MACROD2: variants seen among roughly 807,000 people sequenced by gnomAD.
MACROD2 encodes the protein mono-ADP ribosylhydrolase 2, also known as ADP-ribose glycohydrolase MACROD2.
A neutral mutation model predicts 70.4 loss-of-function variants in MACROD2; 36 were observed. That is an observed-to-expected ratio of 0.51 (90% CI 0.39 to 0.68). The LOEUF is 0.68. MACROD2 is among the 30% of genes least tolerant of loss of function. The pLI is 0.00. For missense variants in MACROD2, 496 were observed against 538.4 expected (o/e 0.92, Z 0.78); for synonymous variants, 172 against 178.8 (o/e 0.96, Z 0.30).
chr20:14,662,432 A>G (rs948149124), intron 4 of MACROD2, among the ~76,000 whole-genome samples: 2 of 151,934 alleles, frequency 1.3e-5, no homozygotes, highest in Non-Finnish European at 2.9e-5. Context: ...AAACAGGAAA[A>G]TATTTTATGA....
intron 3 of MACROD2, among the ~76,000 whole-genome samples, chr20:14,437,560 C>T (rs910852840): frequency 6.6e-6 from 1 of 152,110 alleles, no homozygotes; most frequent in Non-Finnish European, 1.5e-5. Flanking sequence ...TGCCATTGTA[C>T]TCCAGCCTGG....
intron 3 of MACROD2, among the ~76,000 whole-genome samples, chr20:14,367,650 CTTGT>C (rs2083284348): frequency 6.6e-6 from 1 of 152,146 alleles, no homozygotes; most frequent in Non-Finnish European, 1.5e-5. Context: ...TTGAGGATCC[CTTGT>C]ATGTTGGATG....
chr20:15,978,052 G>C (rs908334963), intron 13 of MACROD2, among the ~76,000 whole-genome samples: 6 of 152,266 alleles, frequency 3.9e-5, no homozygotes, highest in African/African-American at 1.4e-4. Flanking sequence ...CATCTTCTAG[G>C]CCAGTGCTTC....
At chr20:15,826,755 A>G (rs556949645) in intron 8 of MACROD2, among the ~76,000 whole-genome samples, 1 of 152,362 alleles carries the variant, frequency 6.6e-6, no homozygotes, top group Non-Finnish European at 1.5e-5. Flanking sequence ...TAGGAAAAAT[A>G]TAAGTAACAA....
intron 8 of MACROD2, among the ~76,000 whole-genome samples, chr20:15,861,955 A>G (rs2064430379): frequency 6.6e-6 from 1 of 152,218 alleles, no homozygotes; most frequent in Non-Finnish European, 1.5e-5. Flanking sequence ...ATTTATTTCC[A>G]GGACACAAAA....
At chr20:15,888,980 C>G (rs1429022042) in intron 10 of MACROD2, among the ~76,000 whole-genome samples, 1 of 152,144 alleles carries the variant, frequency 6.6e-6, no homozygotes, top group Non-Finnish European at 1.5e-5. Flanking sequence ...AATAGAAAAG[C>G]TGGAGGGATT....
chr20:15,865,466 A>C (rs1265717293), intron 9 of MACROD2, among the ~76,000 whole-genome samples: 1 of 152,192 alleles, frequency 6.6e-6, no homozygotes, highest in African/African-American at 2.4e-5. Context: ...ATTTCTTTAC[A>C]TGGGTAAATC....
intron 4 of MACROD2, among the ~76,000 whole-genome samples, chr20:14,670,883 G>C (rs1262223995): frequency 1.3e-5 from 2 of 151,924 alleles, no homozygotes; most frequent in African/African-American, 4.8e-5. Flanking sequence ...ACCCCCATGT[G>C]GTTAGTCTTA....
intron 4 of MACROD2, among the ~76,000 whole-genome samples, chr20:14,515,465 GCA>G (rs11467236): frequency 0.12 from 15,340 of 127,088 alleles, 1,060 homozygotes; most frequent in Non-Finnish European, 0.16. Flanking sequence ...ACACACACAC[GCA>G]CACACACACA....
At chr20:14,700,452 T>C (rs144005498) in intron 5 of MACROD2, among the ~76,000 whole-genome samples, 90 of 152,182 alleles carry the variant, frequency 5.9e-4, no homozygotes, top group African/African-American at 1.9e-3. Context: ...TGAATATCAA[T>C]CACTCAACTA....
intron 3 of MACROD2, among the ~76,000 whole-genome samples, chr20:14,125,565 T>C (rs1409222722): frequency 6.6e-6 from 1 of 152,192 alleles, no homozygotes; most frequent in Non-Finnish European, 1.5e-5. Context: ...AATATTTTTG[T>C]ATGTGTATTT....
intron 2 of MACROD2, among the ~76,000 whole-genome samples, chr20:14,065,835 T>C (rs2053748688): frequency 1.3e-5 from 2 of 152,200 alleles, no homozygotes; most frequent in Admixed American, 6.5e-5. Context: ...GGTACATGCA[T>C]AGCTATAACA....
chr20:15,816,319 T>C (rs924878668), intron 8 of MACROD2, among the ~76,000 whole-genome samples: 7 of 152,144 alleles, frequency 4.6e-5, no homozygotes, highest in Non-Finnish European at 1.0e-4. Context: ...ATGACTTTTG[T>C]ATGCTAGGTC....
At chr20:16,048,117 T>C (rs1342412516) in intron 17 of MACROD2, among the ~76,000 whole-genome samples, 7 of 152,078 alleles carry the variant, frequency 4.6e-5, no homozygotes, top group African/African-American at 1.2e-4. Context: ...ATGTGGCAAA[T>C]GGAAATATGA....
chr20:14,706,486 C>G (rs1423665000), intron 5 of MACROD2, among the ~76,000 whole-genome samples: 1 of 152,006 alleles, frequency 6.6e-6, no homozygotes, highest in African/African-American at 2.4e-5. Context: ...GACTTCAGTA[C>G]CTGAGGGTAT....
chr20:14,244,802 T>C (rs1343592232), intron 3 of MACROD2, among the ~76,000 whole-genome samples: 1 of 152,202 alleles, frequency 6.6e-6, no homozygotes, highest in Non-Finnish European at 1.5e-5. Flanking sequence ...CTTGGCTCTT[T>C]GTGGGTCCTC....
At chr20:15,094,171 T>C (rs2075812203) in intron 5 of MACROD2, among the ~76,000 whole-genome samples, 1 of 152,220 alleles carries the variant, frequency 6.6e-6, no homozygotes, top group Non-Finnish European at 1.5e-5. Flanking sequence ...TAGATATATG[T>C]TGGCTTTGAT....
chr20:14,702,927 C>T (rs751316000), intron 5 of MACROD2, among the ~76,000 whole-genome samples: 8 of 151,352 alleles, frequency 5.3e-5, no homozygotes, highest in Non-Finnish European at 7.4e-5. Context: ...GGGATTTCAC[C>T]ATGTTGGCCA....
At chr20:14,334,897 C>A (rs2082909784) in intron 3 of MACROD2, among the ~76,000 whole-genome samples, 1 of 151,816 alleles carries the variant, frequency 6.6e-6, no homozygotes, top group African/African-American at 2.4e-5. Context: ...CAATCACATT[C>A]TTTGTTATAT....
Sources: gnomAD v4.1 joint callset for allele counts (sites outside exome capture counted in the v4.1 genomes callset) on GRCh38, gnomAD v4.1.1 for gene constraint, MANE v1.5 for transcripts, NCBI Gene and HGNC (gene_info 2026-07-23, HGNC 2026-07-21) for gene names.